Variants in CAPN13 observed in about 807,000 individuals in gnomAD.
The protein encoded by CAPN13 is calpain-13.
CAPN13 carries 90 observed loss-of-function variants against 98.4 expected under a neutral mutation model. The ratio of observed to expected loss-of-function variants is 0.92; its 90% CI spans 0.77 to 1.09. The LOEUF (loss-of-function observed/expected upper bound fraction) is 1.09. Ranked by LOEUF, CAPN13 falls within the 50% of genes least tolerant of loss-of-function variation. The probability of loss-of-function intolerance (pLI) is 0.00; values close to 1 mark genes in which losing one functional copy is unlikely to be tolerated. For synonymous variants in CAPN13, 330 were observed against 305.5 expected (o/e 1.08, Z -0.84); for missense variants, 887 against 841.3 (o/e 1.05, Z -0.67).
In CAPN13 at chr2:30,734,441, C is replaced by T. The variant is rs747963103; in HGVS notation, c.1798+8G>A. ...TTGGGCACCACAGCTCCAAAGTCCC[C>T]ATTGTACCTGTATTCTCTATGGCCT... On this transcript the variant is annotated splice_region_variant and intron_variant, in intron 19 of 22. Coordinates refer to ENST00000295055, the MANE Select transcript of CAPN13 (RefSeq NM_144575.3). 5 of 1,612,794 alleles carry T rather than the reference C, an allele frequency of 3.1e-6. No individual in the cohort carries two copies. The East Asian group carries it at 8.9e-5, about 29-fold the overall frequency.
In CAPN13 at chr2:30,787,203, A is replaced by C. The variant is rs1674334508; in HGVS notation, c.123T>G (p.Pro41=). Residue 41 remains proline (P), a synonymous_variant, in exon 2 of 23, where the codon CCT becomes CCG. Transcript: ENST00000295055. ...TCTGGCCTATGGAAGAATCTGCTGCAGGGAATGTCTCATCCTTAAACGTCC... is the reference window on the plus strand; with the variant it reads ...TCTGGCCTATGGAAGAATCTGCTGCCGGGAATGTCTCATCCTTAAACGTCC... The part of the protein sequence containing the change: ...MGRTFKDETF[P]AADSSIGQKL... 1 of 1,605,790 alleles carries C rather than the reference A, an allele frequency of 6.2e-7. No individual in the cohort carries two copies.
intron 1 of CAPN13, among the ~76,000 whole-genome samples, chr2:30,803,647 C>A (rs1477871019): frequency 6.6e-6 from 1 of 152,174 alleles, no homozygotes; most frequent in African/African-American, 2.4e-5. Flanking sequence ...CAGCCACTAC[C>A]GTGGGACATG....
chr2:30,737,599 T>A (rs958002748), intron 17 of CAPN13: 5 of 154,874 alleles, frequency 3.2e-5, no homozygotes, highest in African/African-American at 1.2e-4. Context: ...CCGCTGTGAA[T>A]GCAGCATAGC....
chr2:30,744,389 T>C (rs1671807494), intron 12 of CAPN13, among the ~76,000 whole-genome samples: 1 of 152,206 alleles, frequency 6.6e-6, no homozygotes, highest in Admixed American at 6.5e-5. Context: ...CCAACGCGAT[T>C]CTGCTGACAT....
intron 10 of CAPN13, 35 bp downstream of exon 10, chr2:30,753,018 C>T: frequency 6.2e-7 from 1 of 1,611,130 alleles, no homozygotes; most frequent in Non-Finnish European, 8.5e-7. Flanking sequence ...AGCCAGCTTC[C>T]AGTTGGGCAG....
chr2:30,786,490 C>G (rs771910808), intron 2 of CAPN13, among the ~76,000 whole-genome samples: 2 of 152,136 alleles, frequency 1.3e-5, no homozygotes, highest in Non-Finnish European at 2.9e-5. Context: ...GAAGGGCTCA[C>G]CTGGCTGCAA....
At chr2:30,759,919 C>T (rs1466591379) in intron 7 of CAPN13, among the ~76,000 whole-genome samples, 2 of 152,180 alleles carry the variant, frequency 1.3e-5, no homozygotes, top group Non-Finnish European at 2.9e-5. Flanking sequence ...GAGCCTGGCT[C>T]GGATAAGGCT....
intron 15 of CAPN13, among the ~76,000 whole-genome samples, chr2:30,740,543 G>T (rs144195295): frequency 6.6e-6 from 1 of 152,364 alleles, no homozygotes; most frequent in Non-Finnish European, 1.5e-5. Context: ...ACTGCCAGGT[G>T]GGCCCTGCTC....
intron 19 of CAPN13, 35 bp from the exon 20 acceptor site, chr2:30,732,601 G>T (rs1374106796): frequency 1.3e-6 from 2 of 1,589,316 alleles, no homozygotes; most frequent in Admixed American, 1.8e-5. Context: ...GTGAGAGGAG[G>T]CTAGGGCTCG....
At chr2:30,803,357 C>T (rs961474804) in intron 1 of CAPN13, among the ~76,000 whole-genome samples, 7 of 152,136 alleles carry the variant, frequency 4.6e-5, no homozygotes, top group African/African-American at 1.7e-4. Flanking sequence ...CTCTGGTCTG[C>T]AGGCTGGGAC....
intron 1 of CAPN13, among the ~76,000 whole-genome samples, chr2:30,801,529 C>A (rs552014124): frequency 1.3e-5 from 2 of 149,368 alleles, no homozygotes; most frequent in African/African-American, 2.5e-5. Flanking sequence ...CGCTTGAACC[C>A]GGGAGGCGGA....
chr2:30,787,144 A>G lies in CAPN13; in HGVS notation c.182T>C (p.Ile61Thr), dbSNP rs1572871875. ...CTCACTCACCTGTGGCCGCTTCCAT[A>G]TCACATTGGAGAGGCGTTTTTCCTG... ...LLQEKRLSNV[I>T]WKRPQDLPGG... is the part of the protein sequence containing the mutation. Residue 61 changes from isoleucine (I) to threonine (T), a missense_variant, in exon 2 of 23, where the codon ATA becomes ACA. Ile to Thr is a moderately conservative substitution (Grantham distance 89). Coordinates refer to ENST00000295055, the MANE Select transcript of CAPN13 (RefSeq NM_144575.3). The G allele has an allele frequency of 1.9e-6, 3 of 1,569,608 alleles. No individual in the cohort carries two copies. The highest frequency in any genetic ancestry group is 1.4e-5 in the African/African-American group (1 of 73,992).
intron 7 of CAPN13, among the ~76,000 whole-genome samples, chr2:30,762,120 T>G (rs979826357): frequency 2.6e-5 from 4 of 152,194 alleles, no homozygotes; most frequent in African/African-American, 9.6e-5. Flanking sequence ...TGGTGACAAA[T>G]GTAGACGGAC....
chr2:30,739,355 G>A (rs1258252795), intron 15 of CAPN13, among the ~76,000 whole-genome samples: 1 of 151,952 alleles, frequency 6.6e-6, no homozygotes, highest in East Asian at 1.9e-4. Context: ...GCCTCCTGGG[G>A]GTCTTCTGAG....
chr2:30,731,961 G>A (rs918971203), intron 20 of CAPN13, among the ~76,000 whole-genome samples: 6 of 152,008 alleles, frequency 3.9e-5, no homozygotes, highest in South Asian at 4.1e-4. Flanking sequence ...ACTGTGGCTC[G>A]GGGTTTCACA....
At chr2:30,754,460 T>C in intron 8 of CAPN13, 96 bp from the exon 9 acceptor site, 1 of 977,378 alleles carries the variant, frequency 1.0e-6, no homozygotes, top group East Asian at 3.0e-5. Context: ...CATGTCACCA[T>C]TCCTGGGGAG....
intron 22 of CAPN13, among the ~76,000 whole-genome samples, chr2:30,725,942 A>G (rs1670841433): frequency 6.6e-6 from 1 of 152,188 alleles, no homozygotes; most frequent in African/African-American, 2.4e-5. Flanking sequence ...CAGTACACCA[A>G]AGGGGAAGAA....
At chr2:30,730,843 A>G (rs1466276675) in intron 21 of CAPN13, 57 bp from the exon 22 acceptor site, 1 of 779,246 alleles carries the variant, frequency 1.3e-6, no homozygotes, top group Non-Finnish European at 2.4e-6. Context: ...CTTAATACAG[A>G]GCAGGGCAAA....
intron 1 of CAPN13, among the ~76,000 whole-genome samples, chr2:30,800,085 G>GAAAGAAAGA (rs1176481238): frequency 3.2e-5 from 4 of 124,870 alleles, no homozygotes; most frequent in East Asian, 2.4e-4. Context: ...AAAAAAGAAA[G>GAAAGAAAGA]AAAGAAAGAA....
Sources: gnomAD v4.1 joint callset for allele counts (sites outside exome capture counted in the v4.1 genomes callset) on GRCh38, gnomAD v4.1.1 for gene constraint, MANE v1.5 for transcripts, NCBI Gene and HGNC (gene_info 2026-07-23, HGNC 2026-07-21) for gene names.